The following TPM4 variants were observed in gnomAD, a reference collection of about 807,000 sequenced individuals.
The protein encoded by TPM4 is tropomyosin 4, also known as tropomyosin alpha-4 chain.
TPM4 carries 17 observed loss-of-function variants against 35.8 expected under a neutral mutation model. The observed-to-expected ratio is 0.47, with a 90% CI of 0.32 to 0.71. The LOEUF (loss-of-function observed/expected upper bound fraction) is 0.71, where lower values mean the gene tolerates loss of function less well. TPM4 is among the 30% of genes least tolerant of loss of function. TPM4 has a pLI of 0.03. For synonymous variants in TPM4, 120 were observed against 122.9 expected (o/e 0.98, Z 0.15); for missense variants, 240 against 320.9 (o/e 0.75, Z 1.93).
intron 7 of TPM4, among the ~76,000 whole-genome samples, chr19:16,095,072 A>G (rs1464632453): frequency 6.6e-6 from 1 of 152,200 alleles, no homozygotes; most frequent in African/African-American, 2.4e-5. Context: ...CAAACCACTT[A>G]GAGATCAACT....
rs556965075 is a variant in TPM4 at position 16,081,836 on chromosome 19, G to A, written c.133-77G>A. 17 of 1,477,574 alleles carry A rather than the reference G, an allele frequency of 1.2e-5. No individual in the cohort carries two copies. In the African/African-American group the frequency reaches 2.1e-4, roughly 18 times the overall value. The allele number at this position is 1,477,574 out of a possible 1,614,324, so 91.5% of individuals were successfully genotyped here. ...TGACGGGGAAGATCAGGTTAACAGA[G>A]GGCAGGACATGGGGGAGGCTCCCAC... On this transcript the variant is annotated intron_variant, in intron 1 of 7. Transcript: ENST00000643579.
chr19:16,091,022 A>T (rs902610967), intron 5 of TPM4, among the ~76,000 whole-genome samples: 7 of 151,786 alleles, frequency 4.6e-5, no homozygotes, highest in African/African-American at 1.7e-4. Flanking sequence ...GGCCAGGGGG[A>T]TAGATGTAAC....
chr19:16,070,472 A>C lies in TPM4; in HGVS notation c.114+2734A>C, dbSNP rs984117866. On this transcript the variant is annotated intron_variant, in intron 2 of 2. Transcript: ENST00000589897. The surrounding 1 kb of genome is among the most constrained non-coding windows in gnomAD (Gnocchi z 7.4). Reference sequence around the variant, plus strand: ...CCTAGGACCATGGCACCGAGTGCCCAGCCCCACCCAGGCCAGGAGCCAGGC... The same window carrying C: ...CCTAGGACCATGGCACCGAGTGCCCCGCCCCACCCAGGCCAGGAGCCAGGC... Among the ~76,000 whole-genome samples the C allele has an allele frequency of 1.8e-4, 27 of 152,314 alleles. No individual in the cohort carries two copies. The highest frequency in any genetic ancestry group is 6.2e-4 in the South Asian group (3 of 4,826).
intron 1 of TPM4, 39 bp downstream of exon 1, chr19:16,076,736 C>T (rs2090411865): frequency 7.8e-7 from 1 of 1,287,566 alleles, no homozygotes; most frequent in African/African-American, 1.6e-5. Context: ...CCGCAGCCTC[C>T]TCCCCCGCGC....
chr19:16,069,821 AGT>A (rs752644876), intron 2 of TPM4, among the ~76,000 whole-genome samples: 2 of 150,870 alleles, frequency 1.3e-5, no homozygotes, highest in Non-Finnish European at 3.0e-5. Context: ...TGTCGGGGTG[AGT>A]GTGTGTGTCA....
Position 16,102,453 on chromosome 19 carries a change from A to G in TPM4, c.*1107A>G, listed in dbSNP as rs2090772468. ...CCAATTCAGGTCAGCCATATCCAAA[A>G]GACCACAAGTCATTACTAAGTTGAG... is the stretch of plus-strand genomic sequence containing the variant. On this transcript the variant is annotated 3_prime_UTR_variant, in exon 8 of 8. Transcript: ENST00000643579. The G allele has an allele frequency of 4.4e-6, 1 of 225,030 alleles. No homozygotes were observed. The highest frequency in any genetic ancestry group is 5.7e-5 in the Admixed American group (1 of 17,468). 13.9% of individuals were successfully genotyped at this position (225,030 alleles called of 1,614,324 possible).
At chr19:16,069,950 G>C (rs557658296) in intron 2 of TPM4, among the ~76,000 whole-genome samples, 1 of 151,920 alleles carries the variant, frequency 6.6e-6, no homozygotes, top group Non-Finnish European at 1.5e-5. Context: ...ACAGAAGCCC[G>C]CTGTCTCATG....
In TPM4 at chr19:16,097,108, C is replaced by G. The variant is rs1360258553; in HGVS notation, c.664+3355C>G. Among the ~76,000 whole-genome samples, 3 of 150,774 alleles carry G rather than the reference C, an allele frequency of 2.0e-5. No homozygotes were observed. The Admixed American group carries it at 2.0e-4, about 10-fold the overall frequency. On this transcript the variant is annotated intron_variant, in intron 7 of 7. Coordinates refer to ENST00000643579, the MANE Select transcript of TPM4 (RefSeq NM_003290.3). Reference sequence around the variant, plus strand: ...AGCTGGGATTACAGTCGCGGACCACCACACTCAGCTAATTTTTGTACTTTC... The same window carrying G: ...AGCTGGGATTACAGTCGCGGACCACGACACTCAGCTAATTTTTGTACTTTC...
intron 7 of TPM4, among the ~76,000 whole-genome samples, chr19:16,096,771 G>A (rs950784989): frequency 5.3e-5 from 8 of 151,962 alleles, no homozygotes; most frequent in Non-Finnish European, 8.8e-5. Context: ...TTCTTTTCCC[G>A]AATTCCAGAA....
In TPM4 at chr19:16,086,551, C is replaced by A; in HGVS notation, c.384+11C>A. 6.2e-7 allele frequency: 1 copy of A among 1,605,202 alleles called. No homozygotes were observed. Among genetic ancestry groups the A allele is most frequent in the Non-Finnish European group, 8.5e-7 (1 of 1,174,022 alleles). On this transcript the variant is annotated intron_variant, in intron 3 of 7. Coordinates refer to ENST00000643579, the MANE Select transcript of TPM4 (RefSeq NM_003290.3). ...CGCAAATACGAGGAGGTGAGTGGGG[C>A]TGGCAGATGGCGCAGCAGCAGGAAG... is the stretch of plus-strand genomic sequence containing the variant.
At chr19:16,088,519 A>G in intron 4 of TPM4, 1 of 1,052,200 alleles carries the variant, frequency 9.5e-7, no homozygotes, top group Non-Finnish European at 1.2e-6. Flanking sequence ...GGAAGGTGAG[A>G]AGCTTAACCA....
intron 5 of TPM4, among the ~76,000 whole-genome samples, chr19:16,091,363 CT>C: frequency 6.6e-6 from 1 of 152,230 alleles, no homozygotes; most frequent in East Asian, 1.9e-4. Context: ...GGCATCTGCT[CT>C]TGAAGAGCTC....
chr19:16,067,711 G>C lies in TPM4; in HGVS notation c.87G>C (p.Lys29Asn). ...GCGCGGAGCAGGCGGAGGCGGATAA[G>C]AAAGCCGCTGAGGACAAGTGCAAGC... The change falls in exon 2 of 3, where the codon AAG becomes AAC. Residue 29 changes from lysine to asparagine, a missense_variant. Lys to Asn is a moderately conservative substitution (Grantham distance 94). Transcript: ENST00000589897. This position sits in a 1 kb window ranked among gnomAD's most constrained non-coding sequence, Gnocchi z 4.1. 1.2e-6 allele frequency: 2 copies of C among 1,613,326 alleles called. No individual in the cohort carries two copies. The highest frequency in any genetic ancestry group is 1.7e-6 in the Non-Finnish European group (2 of 1,179,822).
At chr19:16,090,420 T>C (rs2090611937) in intron 5 of TPM4, among the ~76,000 whole-genome samples, 1 of 150,832 alleles carries the variant, frequency 6.6e-6, no homozygotes, top group Non-Finnish European at 1.5e-5. Flanking sequence ...GCCTGGCTAA[T>C]TTTTCTAGTT....
At chr19:16,076,113 T>TCCGAGGACCTGAAGGACGCG (rs770496305), upstream of TPM4, 1 of 1,596,106 alleles carries the variant, frequency 6.3e-7, no homozygotes, top group South Asian at 1.1e-5. Context: ...GGATAAATAT[T>TCCGAGGACCTGAAGGACGCG]CCGAGGACCT....
At chr19:16,069,139 CGTGT>C (rs1167516325) in intron 2 of TPM4, among the ~76,000 whole-genome samples, 3 of 152,010 alleles carry the variant, frequency 2.0e-5, no homozygotes, top group Admixed American at 6.6e-5. Flanking sequence ...TTTCTGATGG[CGTGT>C]GTGTGTGCAC....
At chr19:16,075,832 C>T, upstream of TPM4, 2 of 678,682 alleles carry the variant, frequency 2.9e-6, no homozygotes, top group South Asian at 4.2e-5. Context: ...CCCAAAACAG[C>T]TGGTCCTCAG....
Position 16,079,395 on chromosome 19 carries a change from A to G in TPM4, c.133-2518A>G, listed in dbSNP as rs1467600542. On this transcript the variant is annotated intron_variant, in intron 1 of 7. Transcript: ENST00000643579. The stretch of plus-strand genomic sequence containing the variant: ...TGCAACATCAGTTCCTGGCCCAGTT[A>G]CTGAAGGTGGTAGGAGGAGTTAAGA... Among the ~76,000 whole-genome samples the G allele has an allele frequency of 3.9e-5, 6 of 152,340 alleles. No homozygotes were observed. In the East Asian group the frequency reaches 9.6e-4, roughly 24 times the overall value.
At chr19:16,068,105 ATG>A (rs34102596) in intron 2 of TPM4, 38,347 of 339,812 alleles carry the variant, frequency 0.11, 3,642 homozygotes, top group East Asian at 0.43. Flanking sequence ...GTTTGAGCGT[ATG>A]TGTGTGTACG....
Sources: gnomAD v4.1 joint callset for allele counts (sites outside exome capture counted in the v4.1 genomes callset) on GRCh38, gnomAD v4.1.1 for gene constraint, Gnocchi (gnomAD v3.1) non-coding constraint, MANE v1.5 for transcripts, NCBI Gene and HGNC (gene_info 2026-07-23, HGNC 2026-07-21) for gene names.